The following NRXN3 variants were observed in gnomAD, a reference collection of about 807,000 sequenced individuals.
NRXN3 encodes neurexin 3.
NRXN3 carries 32 observed loss-of-function variants against 137.6 expected under a neutral mutation model. That is an observed-to-expected ratio of 0.23 (90% CI 0.18 to 0.31). NRXN3 has a LOEUF of 0.31. NRXN3 is among the 10% of genes least tolerant of loss of function. NRXN3 has a pLI of 1.00. For synonymous variants in NRXN3, 798 were observed against 784.5 expected (o/e 1.02, Z -0.29); for missense variants, 1,574 against 2,062.5 (o/e 0.76, Z 4.59).
In NRXN3 at chr14:79,809,448, A is replaced by AT. The variant is rs537863222; in HGVS notation, c.4093+4267dup. 2.1e-3 allele frequency among the ~76,000 whole-genome samples: 319 copies of AT among 151,178 alleles called. 1 individual carries two copies. Among genetic ancestry groups the AT allele is most frequent in the Middle Eastern group, 3.4e-3 (1 of 292 alleles). On this transcript the variant is annotated intron_variant, in intron 20 of 20. Transcript: ENST00000335750. ...GCCACTGTGCCTGGCCAAAACCTAC[A>AT]TTTTTTTTTAACAAAGTTATTCTCT...
At chr14:79,061,371 C>T (rs143215883) in intron 15 of NRXN3, among the ~76,000 whole-genome samples, 12 of 152,182 alleles carry the variant, frequency 7.9e-5, no homozygotes, top group East Asian at 5.8e-4. Context: ...AGGAAGAGAT[C>T]GTCTGAGAGT....
At chr14:79,203,340 A>G (rs2066328744) in intron 15 of NRXN3, among the ~76,000 whole-genome samples, 2 of 152,216 alleles carry the variant, frequency 1.3e-5, no homozygotes, top group South Asian at 2.1e-4. Context: ...GATATACACA[A>G]CAGACAAGCA....
At chr14:79,267,869 T>C (rs2078687549) in intron 15 of NRXN3, among the ~76,000 whole-genome samples, 2 of 152,226 alleles carry the variant, frequency 1.3e-5, no homozygotes, top group Admixed American at 1.3e-4. Context: ...ATATGGAATG[T>C]TATTGCTGAT....
At chr14:78,755,380 C>A (rs2098663586) in intron 8 of NRXN3, among the ~76,000 whole-genome samples, 1 of 152,032 alleles carries the variant, frequency 6.6e-6, no homozygotes, top group African/African-American at 2.4e-5. Context: ...TTGGTTCTAT[C>A]AGGACAGAGA....
intron 15 of NRXN3, among the ~76,000 whole-genome samples, chr14:79,074,082 A>G (rs1202528465): frequency 1.3e-5 from 2 of 152,212 alleles, no homozygotes; most frequent in African/African-American, 4.8e-5. Flanking sequence ...TCCACATCGT[A>G]GGTACACAAT....
intron 15 of NRXN3, among the ~76,000 whole-genome samples, chr14:79,183,619 C>G (rs2063187389): frequency 6.6e-6 from 1 of 152,176 alleles, no homozygotes; most frequent in South Asian, 2.1e-4. Flanking sequence ...TAACACAGTT[C>G]TTGTTTGGAT....
chr14:79,277,212 G>T (rs183970450), intron 15 of NRXN3, among the ~76,000 whole-genome samples: 1 of 152,090 alleles, frequency 6.6e-6, no homozygotes, highest in African/African-American at 2.4e-5. Flanking sequence ...GGCCAACAAT[G>T]CTATAAAGGC....
chr14:78,616,834 A>G (rs1286305958), intron 4 of NRXN3, among the ~76,000 whole-genome samples: 4 of 152,238 alleles, frequency 2.6e-5, no homozygotes, highest in African/African-American at 9.6e-5. Context: ...GGCATATAGT[A>G]AGGGCTCAAT....
In NRXN3 at chr14:79,293,742, C is replaced by T. The variant is rs566637516; in HGVS notation, c.3263-173479C>T. Among the ~76,000 whole-genome samples, 11 of 152,346 alleles carry T rather than the reference C, an allele frequency of 7.2e-5. No homozygotes were observed. In the South Asian group the frequency reaches 2.3e-3, roughly 32 times the overall value. On this transcript the variant is annotated intron_variant, in intron 15 of 20. Coordinates refer to ENST00000335750, the MANE Select transcript of NRXN3 (RefSeq NM_001330195.2). ...GTAATTACCATCCAGAGAGCAGCTC[C>T]CACTCCGTGTCAGGCATGTCACCCC...
intron 2 of NRXN3, among the ~76,000 whole-genome samples, chr14:78,270,661 A>T (rs908420680): frequency 3.3e-5 from 5 of 152,230 alleles, no homozygotes; most frequent in Non-Finnish European, 7.3e-5. Flanking sequence ...CAGCAGAAAC[A>T]GTAATAATTT....
chr14:79,749,240 G>A (rs1432245045), intron 19 of NRXN3, among the ~76,000 whole-genome samples: 1 of 152,046 alleles, frequency 6.6e-6, no homozygotes, highest in African/African-American at 2.4e-5. Flanking sequence ...TACGGATATG[G>A]AAAATGTGTG....
In NRXN3 at chr14:78,966,044, T is replaced by C. The variant is rs768357065; in HGVS notation, c.2415T>C (p.His805=). The change falls in exon 12 of 21, where the codon CAT becomes CAC. Residue 805 remains histidine, a synonymous_variant. Transcript: ENST00000335750. ...DVAEGTMVGD[H]TRLEFHNIET... The stretch of plus-strand genomic sequence containing the variant: ...TCACAGGTACAATGGTGGGAGACCA[T>C]ACCCGTTTGGAGTTCCACAACATTG... The C allele has an allele frequency of 2.5e-6, 4 of 1,614,146 alleles. No homozygotes were observed. The highest frequency in any genetic ancestry group is 3.4e-6 in the Non-Finnish European group (4 of 1,179,984).
chr14:78,405,745 G>A (rs1034206266), intron 4 of NRXN3, among the ~76,000 whole-genome samples: 2 of 152,154 alleles, frequency 1.3e-5, no homozygotes, highest in African/African-American at 4.8e-5. Flanking sequence ...CAGACTTGGA[G>A]CTGGGGGACA....
At chr14:78,932,610 A>C (rs1259478322) in intron 10 of NRXN3, among the ~76,000 whole-genome samples, 1 of 152,184 alleles carries the variant, frequency 6.6e-6, no homozygotes, top group Admixed American at 6.5e-5. Flanking sequence ...AGAGGTCTTA[A>C]GGGTTGGAAA....
At chr14:79,258,616 C>T (rs775995667) in intron 15 of NRXN3, among the ~76,000 whole-genome samples, 4 of 152,066 alleles carry the variant, frequency 2.6e-5, no homozygotes, top group Non-Finnish European at 4.4e-5. Context: ...AGAGGGACTC[C>T]AAAGGATGTA....
rs1033304855 is a variant in NRXN3 at position 78,251,460 on chromosome 14, T to C, written c.709+7658T>C. On this transcript the variant is annotated intron_variant, in intron 2 of 20. Coordinates refer to ENST00000335750, the MANE Select transcript of NRXN3 (RefSeq NM_001330195.2). ...TTTCTTTTTCTTAAGGACTCCCAAA[T>C]ATCATAAGCAACAGGTCCCACCTCT... Among the ~76,000 whole-genome samples, 3 of 152,184 alleles carry C rather than the reference T, an allele frequency of 2.0e-5. No individual in the cohort carries two copies. In the East Asian group the frequency reaches 5.8e-4, roughly 29 times the overall value.
chr14:79,113,090 T>C (rs1389747286), intron 15 of NRXN3, among the ~76,000 whole-genome samples: 2 of 152,006 alleles, frequency 1.3e-5, no homozygotes, highest in African/African-American at 4.8e-5. Context: ...CATTGTAGGA[T>C]GTTTAGCACC....
chr14:78,797,063 T>G (rs1262028205), intron 8 of NRXN3, among the ~76,000 whole-genome samples: 1 of 152,156 alleles, frequency 6.6e-6, no homozygotes, highest in Non-Finnish European at 1.5e-5. Context: ...CAAGGGGGCT[T>G]AAGTACAGTA....
chr14:79,543,472 G>A (rs1309968867), intron 16 of NRXN3, among the ~76,000 whole-genome samples: 4 of 152,152 alleles, frequency 2.6e-5, no homozygotes, highest in African/African-American at 9.7e-5. Flanking sequence ...GTGTTAGCAG[G>A]TTCTAGGGCC....
Sources: gnomAD v4.1 joint callset for allele counts (sites outside exome capture counted in the v4.1 genomes callset) on GRCh38, gnomAD v4.1.1 for gene constraint, MANE v1.5 for transcripts, NCBI Gene and HGNC (gene_info 2026-07-23, HGNC 2026-07-21) for gene names.